Variants in ABI3BP observed in about 807,000 individuals in gnomAD.
ABI3BP encodes target of Nesh-SH3.
In ABI3BP, 216 loss-of-function variants were observed where a neutral mutation model predicts 268.6. The ratio of observed to expected loss-of-function variants is 0.80; its 90% confidence interval spans 0.72 to 0.90. The LOEUF (loss-of-function observed/expected upper bound fraction) is 0.90. ABI3BP is among the 40% of genes least tolerant of loss of function. The pLI, the probability that ABI3BP is intolerant of heterozygous loss-of-function variation, is 0.00. For synonymous variants in ABI3BP, 730 were observed against 730.0 expected, an observed-to-expected ratio of 1.00 and a Z score of 0.00; for missense variants, 2,090 against 2,182.4, an observed-to-expected ratio of 0.96 and a Z score of 0.84.
intron 64 of ABI3BP, 42 bp downstream of exon 64, chr3:100,754,570 C>T: frequency 1.3e-6 from 2 of 1,518,362 alleles, no homozygotes; most frequent in East Asian, 4.8e-5. Context: ...TCCACTGTGG[C>T]CCTTTTACAT....
chr3:100,778,183 C>T, intron 59 of ABI3BP, 101 bp downstream of exon 59: 2 of 1,146,058 alleles, frequency 1.7e-6, no homozygotes, highest in Non-Finnish European at 2.6e-6. Flanking sequence ...ACGTGTCACA[C>T]ACATCAATAG....
Position 100,926,336 on chromosome 3 carries a change from A to T in ABI3BP, c.225T>A (p.Leu75=). 1 of 1,613,430 alleles carries T rather than the reference A, an allele frequency of 6.2e-7. No homozygotes were observed. Among genetic ancestry groups the T allele is most frequent in the South Asian group, 1.1e-5 (1 of 91,046 alleles). Residue 75 remains leucine (L), a synonymous_variant, in exon 2 of 68, where the codon CTT becomes CTA. Transcript: ENST00000471714. ...SNVSPNQYFP[L]PAEGKFTEAI... is the part of the protein sequence containing the mutation. ...CTTCTGTGAATTTCCCTTCAGCGGG[A>T]AGAGGGAAGTACTGGTTTGGTGATA...
chr3:100,984,289 A>G (rs578074820), intron 1 of ABI3BP, among the ~76,000 whole-genome samples: 3 of 152,344 alleles, frequency 2.0e-5, no homozygotes, highest in East Asian at 3.8e-4. Context: ...TGGGATATAC[A>G]TTATAGTATT....
chr3:100,948,307 T>A (rs1027900386), intron 1 of ABI3BP, among the ~76,000 whole-genome samples: 1 of 152,136 alleles, frequency 6.6e-6, no homozygotes, highest in Non-Finnish European at 1.5e-5. Flanking sequence ...GCCTCACAAG[T>A]TCTTAGCAAC....
intron 50 of ABI3BP, among the ~76,000 whole-genome samples, chr3:100,806,125 G>A (rs1458441763): frequency 2.6e-5 from 4 of 151,998 alleles, no homozygotes; most frequent in African/African-American, 9.7e-5. Flanking sequence ...GCCTTTGAAT[G>A]CCAAACATAG....
intron 61 of ABI3BP, among the ~76,000 whole-genome samples, chr3:100,772,507 T>G (rs1005873402): frequency 3.3e-5 from 5 of 152,116 alleles, no homozygotes; most frequent in African/African-American, 9.7e-5. Flanking sequence ...TTCTTATATG[T>G]GAAGTTGTAG....
chr3:100,769,164 A>G (rs1444547678), intron 62 of ABI3BP, among the ~76,000 whole-genome samples: 1 of 152,250 alleles, frequency 6.6e-6, no homozygotes, highest in African/African-American at 2.4e-5. Flanking sequence ...AAATGGAATG[A>G]AAAACCAACA....
chr3:100,925,317 A>G (rs2061488403), intron 2 of ABI3BP, among the ~76,000 whole-genome samples: 1 of 152,192 alleles, frequency 6.6e-6, no homozygotes, highest in African/African-American at 2.4e-5. Context: ...CTCCTAAGCA[A>G]TAATCCTAGC....
In ABI3BP at chr3:100,795,856, G is replaced by A; in HGVS notation, c.3818-5C>T. 7.8e-7 allele frequency: 1 copy of A among 1,284,688 alleles called. No homozygotes were observed. The highest frequency in any genetic ancestry group is 1.0e-6 in the Non-Finnish European group (1 of 987,308). 79.6% of individuals were successfully genotyped at this position (1,284,688 alleles called of 1,614,324 possible). On this transcript the variant is annotated splice_polypyrimidine_tract_variant and splice_region_variant and intron_variant, in intron 52 of 67. Transcript: ENST00000471714. ...TAAAGGTAACAGGCTGCAGAACTAT[G>A]CCAAAAGCAAGCCAAAGGAACATAT...
intron 2 of ABI3BP, among the ~76,000 whole-genome samples, chr3:100,907,009 G>C (rs2053715380): frequency 6.6e-6 from 1 of 152,140 alleles, no homozygotes; most frequent in Admixed American, 6.6e-5. Context: ...CCTGAAAAAG[G>C]CCCTTGCTAT....
At chr3:100,810,349 G>A (rs2097828509) in intron 49 of ABI3BP, 63 bp downstream of exon 49, 13 of 1,384,690 alleles carry the variant, frequency 9.4e-6, no homozygotes, top group Non-Finnish European at 9.9e-7. Flanking sequence ...ATATCTTGAG[G>A]TGACCATACT....
At position 100,862,364 on chromosome 3, in the gene ABI3BP, A is replaced by T; in HGVS notation, c.1232T>A (p.Ile411Asn). The change falls in exon 14 of 68, where the codon ATT (isoleucine) becomes AAT (asparagine). Residue 411 changes from isoleucine (I) to asparagine (N), a missense_variant. Transcript: ENST00000471714. ...TTCAGATATTTTAGCTGTAGGCACA[A>T]TCCATGGCTTTTCACTTGAAGCTAT... ...GTLASSEKPW[I>N]VPTAKISEDS... 2 of 1,601,300 alleles carry T rather than the reference A, an allele frequency of 1.2e-6. No individual in the cohort carries two copies. The highest frequency in any genetic ancestry group is 1.3e-5 in the African/African-American group (1 of 74,688).
chr3:100,768,685 T>C (rs1010459471), intron 62 of ABI3BP, among the ~76,000 whole-genome samples: 9 of 152,214 alleles, frequency 5.9e-5, no homozygotes, highest in African/African-American at 1.9e-4. Flanking sequence ...CAGGATAAAT[T>C]GATAACAATG....
chr3:100,850,165 T>C, intron 16 of ABI3BP, 46 bp from the exon 17 acceptor site: 1 of 1,538,312 alleles, frequency 6.5e-7, no homozygotes. Context: ...CCAGTTAAAA[T>C]GAGGTATTTG....
intron 1 of ABI3BP, among the ~76,000 whole-genome samples, chr3:100,942,048 A>C (rs901880173): frequency 6.6e-6 from 1 of 152,166 alleles, no homozygotes; most frequent in Non-Finnish European, 1.5e-5. Context: ...AAAAAACTAA[A>C]TAAAATTTAT....
intron 58 of ABI3BP, among the ~76,000 whole-genome samples, chr3:100,779,032 G>C (rs1225423079): frequency 6.6e-6 from 1 of 152,122 alleles, no homozygotes; most frequent in Non-Finnish European, 1.5e-5. Context: ...ATCCCCAGCT[G>C]CCTTTTATTT....
Position 100,824,210 on chromosome 3 carries a change from C to T in ABI3BP, c.2746+648G>A, listed in dbSNP as rs139041831. On this transcript the variant is annotated intron_variant, in intron 36 of 67. Transcript: ENST00000471714. The stretch of plus-strand genomic sequence containing the variant: ...GCTTGATGTACCCTTCCAAATGCAC[C>T]ATCATCAACAGTCGTATATGACCAT... Among the ~76,000 whole-genome samples the T allele has an allele frequency of 3.5e-4, 54 of 152,216 alleles. No individual in the cohort carries two copies. In the East Asian group the frequency reaches 9.7e-3, roughly 27 times the overall value.
intron 64 of ABI3BP, 68 bp downstream of exon 64, chr3:100,754,544 C>T (rs2095516316): frequency 6.9e-7 from 1 of 1,447,312 alleles, no homozygotes; most frequent in Non-Finnish European, 9.5e-7. Context: ...AACAAACTTC[C>T]TACGCAAAAC....
At chr3:100,824,191 T>G (rs2098313961) in intron 36 of ABI3BP, among the ~76,000 whole-genome samples, 2 of 152,186 alleles carry the variant, frequency 1.3e-5, no homozygotes, top group South Asian at 2.1e-4. Flanking sequence ...TCTGGCTTGA[T>G]GTACCCTTCC....
Sources: allele counts gnomAD v4.1 joint callset (sites outside exome capture counted in the v4.1 genomes callset), GRCh38; gene constraint gnomAD v4.1.1; transcripts MANE v1.5; gene names NCBI Gene and HGNC (gene_info 2026-07-23, HGNC 2026-07-21).